ROPN1B: variants seen among roughly 807,000 people sequenced by gnomAD.
ROPN1B encodes rhophilin associated tail protein 1B.
ROPN1B carries 13 observed loss-of-function variants against 23.7 expected under a neutral mutation model. The ratio of observed to expected loss-of-function variants is 0.55; its 90% confidence interval spans 0.36 to 0.87. The LOEUF (loss-of-function observed/expected upper bound fraction) is 0.87. ROPN1B is among the 40% of genes least tolerant of loss of function. ROPN1B has a pLI of 0.01. For synonymous variants in ROPN1B, 67 were observed against 100.4 expected (o/e 0.67, Z 1.99); for missense variants, 183 against 249.2 (o/e 0.73, Z 1.79).
intron 5 of ROPN1B, 47 bp downstream of exon 5, chr3:125,977,212 C>A (rs1938448897): frequency 1.5e-6 from 1 of 645,764 alleles, no homozygotes; most frequent in Admixed American, 2.8e-5. Context: ...AAATCTCCCT[C>A]TGGGCCTGGA....
intron 6 of ROPN1B, 120 bp downstream of exon 6, chr3:125,982,565 A>G (rs1938645637): frequency 3.9e-6 from 3 of 773,480 alleles, no homozygotes; most frequent in Non-Finnish European, 5.8e-6. Context: ...AGGACATGAA[A>G]TATCGATCTG....
intron 3 of ROPN1B, among the ~76,000 whole-genome samples, chr3:125,974,256 A>G (rs1289638095): frequency 6.6e-6 from 1 of 152,002 alleles, no homozygotes; most frequent in East Asian, 1.9e-4. Flanking sequence ...GTCACAGTGC[A>G]CCCACACCCC....
chr3:125,979,477 C>G (rs1384680688), intron 5 of ROPN1B, among the ~76,000 whole-genome samples: 1 of 152,058 alleles, frequency 6.6e-6, no homozygotes, highest in African/African-American at 2.4e-5. Flanking sequence ...TAAAAGTTGC[C>G]CCTCCACCAA....
At position 125,983,428 on chromosome 3, in the gene ROPN1B, T is replaced by C. The variant is rs747579285; in HGVS notation, c.*108T>C. 1.1e-5 allele frequency: 8 copies of C among 752,066 alleles called. No homozygotes were observed. The highest frequency in any genetic ancestry group is 3.5e-5 in the African/African-American group (2 of 56,842). The allele number at this position is 752,066 out of a possible 1,614,324, so 46.6% of individuals were successfully genotyped here. On this transcript the variant is annotated 3_prime_UTR_variant, in exon 7 of 7. Coordinates refer to ENST00000514116, the MANE Select transcript of ROPN1B (RefSeq NM_001308313.2). ...ATTTTCTTGTACAACTGGTACACAC[T>C]AATAAACAAACATGTGAGATCAGAA...
chr3:125,974,649 C>G (rs1938340495), intron 3 of ROPN1B, among the ~76,000 whole-genome samples: 1 of 152,198 alleles, frequency 6.6e-6, no homozygotes, highest in Non-Finnish European at 1.5e-5. Flanking sequence ...TTCCCTGCTG[C>G]AGGCAGCCTC....
intron 5 of ROPN1B, among the ~76,000 whole-genome samples, chr3:125,981,577 A>G (rs1384907683): frequency 6.6e-6 from 1 of 152,160 alleles, no homozygotes; most frequent in Non-Finnish European, 1.5e-5. Flanking sequence ...ATGAGTTCTG[A>G]GCATGCTCCT....
In ROPN1B at chr3:125,972,174, C is replaced by T. The variant is rs1311973917; in HGVS notation, c.116+4C>T. On this transcript the variant is annotated splice_donor_region_variant and intron_variant, in intron 3 of 6. Coordinates refer to ENST00000514116, the MANE Select transcript of ROPN1B (RefSeq NM_001308313.2). ...ACCTCATCCAGTGGGGGGCCGAGTA[C>T]GTGCTCCTTTCTCGCCTTCATCTCT... 2 of 1,613,962 alleles carry T rather than the reference C, an allele frequency of 1.2e-6. No individual in the cohort carries two copies. The highest frequency in any genetic ancestry group is 1.7e-6 in the Non-Finnish European group (2 of 1,179,836).
chr3:125,969,869 TCA>T (rs1253100648), intron 1 of ROPN1B, among the ~76,000 whole-genome samples: 1 of 150,886 alleles, frequency 6.6e-6, no homozygotes, highest in African/African-American at 2.4e-5. Flanking sequence ...ACCTGGCACT[TCA>T]TAGACTCCTA....
chr3:125,982,377 T>C lies in ROPN1B; in HGVS notation c.504T>C (p.Ile168=), dbSNP rs971074203. 6 of 1,613,354 alleles carry C rather than the reference T, an allele frequency of 3.7e-6. No homozygotes were observed. The highest frequency in any genetic ancestry group is 5.1e-6 in the Non-Finnish European group (6 of 1,179,808). The change falls in exon 6 of 7, where the codon ATT becomes ATC. Residue 168 remains isoleucine (I), a synonymous_variant. Transcript: ENST00000514116. ...FSTFQFLYTY[I]AEVDGEICAS... is the part of the protein sequence containing the mutation. ...CCTTCCAGTTTCTCTACACGTATAT[T>C]GCCGAAGTGGATGGGGAGATCTGTG...
At chr3:125,978,023 T>C (rs996533866) in intron 5 of ROPN1B, 1 of 152,234 alleles carries the variant, frequency 6.6e-6, no homozygotes, top group Admixed American at 6.5e-5. Context: ...TTTGACACGT[T>C]TGTTTCTGAG....
chr3:125,972,219 G>C (rs537546998), intron 3 of ROPN1B, 49 bp downstream of exon 3: 5 of 1,598,588 alleles, frequency 3.1e-6, no homozygotes, highest in Admixed American at 1.7e-5. Context: ...GGCGGGGAGA[G>C]AGGGTCCTGT....
At chr3:125,972,204 G>A in intron 3 of ROPN1B, 34 bp downstream of exon 3, 5 of 1,609,438 alleles carry the variant, frequency 3.1e-6, no homozygotes, top group Non-Finnish European at 4.3e-6. Flanking sequence ...ATCTCTTGGA[G>A]GACGGGCGGG....
intron 5 of ROPN1B, 110 bp from the exon 6 acceptor site, chr3:125,982,160 C>T (rs1317542522): frequency 3.5e-6 from 3 of 858,946 alleles, no homozygotes; most frequent in African/African-American, 3.6e-5. Flanking sequence ...AAATTGTTCC[C>T]ACTTCATTTT....
intron 6 of ROPN1B, among the ~76,000 whole-genome samples, 196 bp downstream of exon 6, chr3:125,982,641 G>A (rs886612236): frequency 2.0e-5 from 3 of 152,188 alleles, no homozygotes; most frequent in African/African-American, 7.2e-5. Context: ...AATTCTTTGA[G>A]TGCTACTGAG....
rs900023675 is a variant in ROPN1B, at chr3:125,972,221, G to A, written c.116+51G>A. On this transcript the variant is annotated intron_variant, in intron 3 of 6. Transcript: ENST00000514116. ...CTCTTGGAGGACGGGCGGGGAGAGA[G>A]GGTCCTGTAAAACCGCGGAGGTTGT... 3.8e-6 allele frequency: 6 copies of A among 1,594,908 alleles called. No homozygotes were observed. In the African/African-American group the frequency reaches 4.0e-5, roughly 11 times the overall value.
intron 4 of ROPN1B, among the ~76,000 whole-genome samples, chr3:125,976,338 G>A (rs1938412125): frequency 6.6e-6 from 1 of 152,222 alleles, no homozygotes; most frequent in Non-Finnish European, 1.5e-5. Flanking sequence ...GTCAGGAAAG[G>A]TGTTGGAGCA....
At chr3:125,976,457 T>C (rs974799199) in intron 4 of ROPN1B, among the ~76,000 whole-genome samples, 1 of 152,218 alleles carries the variant, frequency 6.6e-6, no homozygotes, top group African/African-American at 2.4e-5. Context: ...AGCTCTAAAA[T>C]ACCTGGGATC....
intron 6 of ROPN1B, 112 bp from the exon 7 acceptor site, chr3:125,983,142 A>C: frequency 1.3e-6 from 1 of 798,588 alleles, no homozygotes; most frequent in Non-Finnish European, 2.1e-6. Flanking sequence ...AACAAAGTTA[A>C]GAGAAAAAGG....
rs1255262602 is a variant in ROPN1B at position 125,969,273 on chromosome 3, G to A, written c.-186G>A. ...ACCCCCGGCCGCTGCTGCCCTCCCC[G>A]CCGAGGTTCTACTGCTCTCCTTCTT... On this transcript the variant is annotated 5_prime_UTR_variant, in exon 1 of 7. Coordinates refer to ENST00000514116, the MANE Select transcript of ROPN1B (RefSeq NM_001308313.2). The A allele has an allele frequency of 5.2e-5, 2 of 38,578 alleles. No individual in the cohort carries two copies. Among genetic ancestry groups the A allele is most frequent in the East Asian group, 8.5e-4 (2 of 2,352 alleles). The allele number at this position is 38,578 out of a possible 1,614,324, so 2.4% of individuals were successfully genotyped here.
Sources: gnomAD v4.1 joint callset for allele counts (sites outside exome capture counted in the v4.1 genomes callset) on GRCh38, gnomAD v4.1.1 for gene constraint, MANE v1.5 for transcripts, NCBI Gene and HGNC (gene_info 2026-07-23, HGNC 2026-07-21) for gene names.